The following ELP2 variants were observed in gnomAD, a reference collection of about 807,000 sequenced individuals.
ELP2 encodes elongator complex protein 2.
ELP2 carries 90 observed loss-of-function variants against 119.2 expected under a neutral mutation model. The observed-to-expected ratio is 0.75, with a 90% confidence interval of 0.64 to 0.90. ELP2 has a LOEUF of 0.90. Ranked by LOEUF, ELP2 falls within the 40% of genes least tolerant of loss-of-function variation. The probability of loss-of-function intolerance (pLI) is 0.00; values close to 1 mark genes in which losing one functional copy is unlikely to be tolerated. For missense variants in ELP2, 921 were observed against 967.8 expected, an observed-to-expected ratio of 0.95 and a Z score of 0.64; for synonymous variants, 339 against 331.0, an observed-to-expected ratio of 1.02 and a Z score of -0.26.
At chr18:36,164,351 AT>A (rs769728203) in intron 17 of ELP2, 123 bp from the exon 18 acceptor site, 116 of 870,368 alleles carry the variant, frequency 1.3e-4, no homozygotes, top group South Asian at 2.5e-4. Context: ...TCTCCTAGGA[AT>A]TTTTTTTGGA....
At chr18:36,140,273 A>G (rs1395426779) in intron 5 of ELP2, among the ~76,000 whole-genome samples, 1 of 151,478 alleles carries the variant, frequency 6.6e-6, no homozygotes, top group Non-Finnish European at 1.5e-5. Flanking sequence ...GACTCCAAGC[A>G]CATGCCACCA....
chr18:36,130,074 A>G lies in ELP2; in HGVS notation c.138+3A>G, dbSNP rs749257528. 15 of 1,613,952 alleles carry G rather than the reference A, an allele frequency of 9.3e-6. No individual in the cohort carries two copies. Among genetic ancestry groups the G allele is most frequent in the African/African-American group, 2.7e-5 (2 of 74,898 alleles). On this transcript the variant is annotated splice_donor_region_variant and intron_variant, in intron 1 of 21. Transcript: ENST00000358232. ...CCGTGGTGCTCTATGACCCCCTGGT[A>G]AGAGAGGTCGCTGGACGGCCGACCC...
In ELP2 at chr18:36,178,181, G is replaced by C. The variant is rs2091266745; in HGVS notation, c.*3540G>C. The C allele has an allele frequency of 6.6e-6, 1 of 152,248 alleles. No individual in the cohort carries two copies. The highest frequency in any genetic ancestry group is 1.5e-5 in the Non-Finnish European group (1 of 68,084). 9.4% of individuals were successfully genotyped at this position (152,248 alleles called of 1,614,324 possible). On this transcript the variant is annotated 3_prime_UTR_variant, in exon 22 of 22. Transcript: ENST00000358232. ...ACAGGCAGGGAGACGGGAGAGCCCA[G>C]CTCTGGGTACAGTTGGGCCACAGCA... is the stretch of plus-strand genomic sequence containing the variant.
chr18:36,164,739 TA>T, intron 18 of ELP2, 72 bp downstream of exon 18: 1 of 1,425,120 alleles, frequency 7.0e-7, no homozygotes, highest in South Asian at 1.2e-5. Context: ...TAAGCAGCTT[TA>T]GTTAAGAGAA....
chr18:36,165,080 C>T (rs1200071342), intron 18 of ELP2: 3 of 206,222 alleles, frequency 1.5e-5, no homozygotes, highest in Admixed American at 5.3e-5. Flanking sequence ...GGTTTCTTCT[C>T]TCTGAACTAT....
At chr18:36,140,204 T>A (rs1037700013) in intron 5 of ELP2, among the ~76,000 whole-genome samples, 1 of 151,438 alleles carries the variant, frequency 6.6e-6, no homozygotes, top group Admixed American at 6.6e-5. Context: ...CTCATTCTGT[T>A]GCCCAGGCTG....
intron 21 of ELP2, among the ~76,000 whole-genome samples, chr18:36,173,330 CAA>C (rs753978695): frequency 1.3e-5 from 2 of 152,194 alleles, no homozygotes; most frequent in South Asian, 4.1e-4. Flanking sequence ...TGCAAGAAAA[CAA>C]ATTATAATGC....
intron 19 of ELP2, among the ~76,000 whole-genome samples, chr18:36,169,302 A>G (rs960559352): frequency 4.6e-5 from 7 of 151,980 alleles, no homozygotes; most frequent in Non-Finnish European, 8.8e-5. Context: ...CATGAGGGGT[A>G]TCATCTAGGT....
At position 36,167,171 on chromosome 18, in the gene ELP2, T is replaced by G; in HGVS notation, c.2025T>G (p.Cys675Trp). ...TGCACAGTAGAATTATTTGGTCTTG[T>G]GATTGGAGTCCTGACAGCAAGTATT... ...TSVHSRIIWSCDWSPDSKYFF... is the reference protein window; with the variant it reads ...TSVHSRIIWSWDWSPDSKYFF... The change falls in exon 19 of 22, where the codon TGT (cysteine) becomes TGG (tryptophan). Residue 675 changes from cysteine (C) to tryptophan (W), a missense_variant. Coordinates refer to ENST00000358232, the MANE Select transcript of ELP2 (RefSeq NM_018255.4). The G allele has an allele frequency of 6.3e-7, 1 of 1,599,454 alleles. No individual in the cohort carries two copies. The highest frequency in any genetic ancestry group is 8.5e-7 in the Non-Finnish European group (1 of 1,172,072).
chr18:36,142,708 C>G (rs1231443867), intron 7 of ELP2, 118 bp from the exon 8 acceptor site: 3 of 699,880 alleles, frequency 4.3e-6, no homozygotes, highest in Non-Finnish European at 4.8e-6. Context: ...GGTAAGGAAA[C>G]AAAGTATTGT....
At chr18:36,143,513 A>G (rs1409876283) in intron 8 of ELP2, among the ~76,000 whole-genome samples, 2 of 149,082 alleles carry the variant, frequency 1.3e-5, no homozygotes, top group East Asian at 2.0e-4. Context: ...CCTTGGCTCA[A>G]GTGGCTTAGC....
chr18:36,136,901 A>G (rs992015604), intron 3 of ELP2, among the ~76,000 whole-genome samples: 3 of 152,132 alleles, frequency 2.0e-5, no homozygotes, highest in Admixed American at 6.5e-5. Context: ...GTGCTACCCC[A>G]CACTTCTGTC....
At chr18:36,148,237 G>A (rs1382676974) in intron 11 of ELP2, among the ~76,000 whole-genome samples, 1 of 151,998 alleles carries the variant, frequency 6.6e-6, no homozygotes, top group Non-Finnish European at 1.5e-5. Flanking sequence ...GGGACTACAG[G>A]TGCCTGCCAC....
intron 17 of ELP2, among the ~76,000 whole-genome samples, chr18:36,164,183 T>G (rs553118990): frequency 2.0e-5 from 3 of 152,058 alleles, no homozygotes; most frequent in African/African-American, 7.2e-5. Flanking sequence ...CATGTCACAG[T>G]TTTGATCATG....
chr18:36,139,024 A>T, intron 5 of ELP2, 152 bp downstream of exon 5: 1 of 707,040 alleles, frequency 1.4e-6, no homozygotes, highest in Non-Finnish European at 2.5e-6. Flanking sequence ...TATAATATTC[A>T]AATGATCTGA....
chr18:36,159,713 T>G, intron 14 of ELP2, 22 bp from the exon 15 acceptor site: 1 of 1,546,982 alleles, frequency 6.5e-7, no homozygotes, highest in Non-Finnish European at 8.9e-7. Context: ...GACTATATTC[T>G]TGATGTGTTT....
At position 36,158,980 on chromosome 18, in the gene ELP2, C is replaced by A. The variant is rs2276112; in HGVS notation, c.1534+76C>A. 2.5e-4 allele frequency: 250 copies of A among 1,017,482 alleles called. No homozygotes were observed. The East Asian group carries it at 5.7e-3, about 23-fold the overall frequency. The allele number at this position is 1,017,482 out of a possible 1,614,324, so 63.0% of individuals were successfully genotyped here. A position where few individuals can be genotyped will look rare whatever the true frequency, so the allele number is the denominator to read the frequency against. On this transcript the variant is annotated intron_variant, in intron 14 of 21. Coordinates refer to ENST00000358232, the MANE Select transcript of ELP2 (RefSeq NM_018255.4). Reference sequence around the variant, plus strand: ...CAGTCATACACTTGTGTAATGTCTACCTAATGTTTGTTACAGCTGATTTTT... The same window carrying A: ...CAGTCATACACTTGTGTAATGTCTAACTAATGTTTGTTACAGCTGATTTTT...
chr18:36,133,209 G>A, intron 1 of ELP2, 29 bp from the exon 2 acceptor site: 1 of 1,488,140 alleles, frequency 6.7e-7, no homozygotes, highest in South Asian at 1.1e-5. Context: ...ATAAATTCCA[G>A]TTTACTAACT....
intron 2 of ELP2, among the ~76,000 whole-genome samples, chr18:36,135,687 C>G (rs994580374): frequency 2.0e-5 from 3 of 152,156 alleles, no homozygotes; most frequent in African/African-American, 4.8e-5. Context: ...TTGGTAGTAG[C>G]ACCTGACTAC....
Sources: gnomAD v4.1 joint callset for allele counts (sites outside exome capture counted in the v4.1 genomes callset) on GRCh38, gnomAD v4.1.1 for gene constraint, MANE v1.5 for transcripts, NCBI Gene and HGNC (gene_info 2026-07-23, HGNC 2026-07-21) for gene names.